Variants in CDH12 observed in about 807,000 individuals in gnomAD.
CDH12 encodes cadherin-12.
CDH12 carries 41 observed loss-of-function variants against 74.1 expected under a neutral mutation model. The ratio of observed to expected loss-of-function variants is 0.55; its 90% confidence interval spans 0.43 to 0.72. CDH12 has a LOEUF of 0.72. Ranked by LOEUF, CDH12 falls within the 30% of genes least tolerant of loss-of-function variation. CDH12 has a pLI of 0.00. For synonymous variants in CDH12, 399 were observed against 355.0 expected, an observed-to-expected ratio of 1.12 and a Z score of -1.39; for missense variants, 945 against 977.2, an observed-to-expected ratio of 0.97 and a Z score of 0.44.
chr5:22,108,759 AAAT>A (rs1336389891), intron 4 of CDH12, among the ~76,000 whole-genome samples: 21 of 152,206 alleles, frequency 1.4e-4, no homozygotes, highest in Admixed American at 1.3e-4. Flanking sequence ...CACAGATGAC[AAAT>A]AATGACAGGT....
intron 1 of CDH12, among the ~76,000 whole-genome samples, chr5:22,602,689 G>A (rs1239169045): frequency 1.3e-5 from 2 of 152,054 alleles, no homozygotes; most frequent in Non-Finnish European, 1.5e-5. Context: ...GATGACAGGT[G>A]ATACACTCTT....
At chr5:22,474,715 C>T (rs1306261501) in intron 2 of CDH12, among the ~76,000 whole-genome samples, 1 of 152,010 alleles carries the variant, frequency 6.6e-6, no homozygotes, top group African/African-American at 2.4e-5. Context: ...TGGTCATATA[C>T]AATACATAGA....
chr5:22,050,454 C>A (rs1740281531), intron 5 of CDH12, among the ~76,000 whole-genome samples: 1 of 152,110 alleles, frequency 6.6e-6, no homozygotes, highest in African/African-American at 2.4e-5. Context: ...CAGAGGTTCA[C>A]AATACGTGCC....
intron 1 of CDH12, among the ~76,000 whole-genome samples, chr5:22,594,098 C>T (rs1484156453): frequency 6.6e-6 from 1 of 152,082 alleles, no homozygotes; most frequent in Non-Finnish European, 1.5e-5. Flanking sequence ...GCCTGATACC[C>T]AAAAAGGAAA....
At chr5:22,732,532 G>A (rs1025397995) in intron 1 of CDH12, among the ~76,000 whole-genome samples, 1 of 151,270 alleles carries the variant, frequency 6.6e-6, no homozygotes, top group Non-Finnish European at 1.5e-5. Flanking sequence ...CTATCCCAGA[G>A]TATGCCATTC....
chr5:22,618,005 G>A (rs904451087), intron 1 of CDH12, among the ~76,000 whole-genome samples: 1 of 152,030 alleles, frequency 6.6e-6, no homozygotes, highest in African/African-American at 2.4e-5. Flanking sequence ...TTTGACAGAT[G>A]CAGAAACTGA....
At chr5:22,603,236 T>C (rs1241785870) in intron 1 of CDH12, among the ~76,000 whole-genome samples, 2 of 151,818 alleles carry the variant, frequency 1.3e-5, no homozygotes, top group African/African-American at 4.8e-5. Flanking sequence ...AAACAGCAAC[T>C]ATTGAAAAAA....
intron 1 of CDH12, among the ~76,000 whole-genome samples, chr5:22,603,884 G>A (rs1736969424): frequency 6.6e-6 from 1 of 152,184 alleles, no homozygotes; most frequent in Non-Finnish European, 1.5e-5. Context: ...GGTCCAAAGA[G>A]AATTGGCTTC....
rs1238378599 is a variant in CDH12, at chr5:22,326,392, C to T, written c.-333+78865G>A. On this transcript the variant is annotated intron_variant, in intron 3 of 14. Coordinates refer to ENST00000382254, the MANE Select transcript of CDH12 (RefSeq NM_004061.5). ...CTGGGACTACAGGCACCCGCAACCA[C>T]GCCGGGCTAGTTTTTTGTATTTTTA... 3.3e-5 allele frequency among the ~76,000 whole-genome samples: 5 copies of T among 152,160 alleles called. No individual in the cohort carries two copies. The East Asian group carries it at 9.7e-4, about 30-fold the overall frequency.
At chr5:22,580,464 T>C (rs187771632) in intron 1 of CDH12, 409 of 509,996 alleles carry the variant, frequency 8.0e-4, no homozygotes, top group African/African-American at 7.3e-3. Context: ...GGCGACTGCA[T>C]GCGTGTCAGA....
At chr5:21,760,805 C>A in intron 12 of CDH12, 130 bp from the exon 13 acceptor site, 5 of 672,184 alleles carry the variant, frequency 7.4e-6, no homozygotes, top group Admixed American at 2.6e-5. Flanking sequence ...ACCAGTAGGT[C>A]AATTATTTAC....
intron 3 of CDH12, among the ~76,000 whole-genome samples, chr5:22,381,130 A>G (rs1580587325): frequency 6.6e-6 from 1 of 152,172 alleles, no homozygotes. Flanking sequence ...TCACAATTGC[A>G]ATCTATTCTA....
chr5:22,715,847 A>G lies in CDH12; in HGVS notation c.-523+137211T>C, dbSNP rs137926835. Among the ~76,000 whole-genome samples the G allele has an allele frequency of 6.6e-5, 10 of 151,648 alleles. No individual in the cohort carries two copies. In the East Asian group the frequency reaches 1.9e-3, roughly 30 times the overall value. On this transcript the variant is annotated intron_variant, in intron 1 of 14. Coordinates refer to ENST00000382254, the MANE Select transcript of CDH12 (RefSeq NM_004061.5). ...AAGAAAAAAGAAAAGAAAGAAATAT[A>G]TACATATGGCTAAGCACGTTGGGTT...
chr5:21,771,956 A>T (rs1745345250), intron 11 of CDH12, among the ~76,000 whole-genome samples: 1 of 152,098 alleles, frequency 6.6e-6, no homozygotes. Context: ...CATTCGTAAG[A>T]TCTTTGTTTC....
chr5:22,605,396 G>A (rs976161406), intron 1 of CDH12, among the ~76,000 whole-genome samples: 2 of 152,202 alleles, frequency 1.3e-5, no homozygotes, highest in African/African-American at 4.8e-5. Flanking sequence ...TCCCTCATGA[G>A]AGGCAGAGAA....
At chr5:22,210,943 A>C (rs1157835959) in intron 4 of CDH12, among the ~76,000 whole-genome samples, 3 of 152,242 alleles carry the variant, frequency 2.0e-5, no homozygotes, top group African/African-American at 7.2e-5. Context: ...CAGGGAAAAG[A>C]GATAGAAGTC....
At chr5:22,268,273 GTA>G (rs997932229) in intron 3 of CDH12, among the ~76,000 whole-genome samples, 9 of 151,824 alleles carry the variant, frequency 5.9e-5, no homozygotes, top group African/African-American at 2.2e-4. Context: ...ATATATGTGT[GTA>G]TATATATGTA....
chr5:22,163,039 A>G (rs2150320753), intron 4 of CDH12, among the ~76,000 whole-genome samples: 1 of 151,790 alleles, frequency 6.6e-6, no homozygotes, highest in South Asian at 2.1e-4. Flanking sequence ...TGGGATTACA[A>G]GCGCCCGTCA....
chr5:22,083,838 A>G (rs1742896385), intron 4 of CDH12, among the ~76,000 whole-genome samples: 1 of 152,190 alleles, frequency 6.6e-6, no homozygotes, highest in African/African-American at 2.4e-5. Flanking sequence ...AATCCTAGTA[A>G]AACAAGGAAT....
Sources: allele counts gnomAD v4.1 joint callset (sites outside exome capture counted in the v4.1 genomes callset), GRCh38; gene constraint gnomAD v4.1.1; transcripts MANE v1.5; gene names NCBI Gene and HGNC (gene_info 2026-07-23, HGNC 2026-07-21).